The following VTI1A variants were observed in gnomAD, a reference collection of about 807,000 sequenced individuals.
The protein encoded by VTI1A is vesicle transport through interaction with t-SNAREs 1A, also known as vesicle transport through interaction with t-SNAREs homolog 1A.
VTI1A carries 22 observed loss-of-function variants against 34.9 expected under a neutral mutation model. The observed-to-expected ratio is 0.63, with a 90% CI of 0.45 to 0.90. VTI1A has a LOEUF of 0.90. Ranked by LOEUF, VTI1A falls within the 40% of genes least tolerant of loss-of-function variation. VTI1A has a pLI of 0.00. For synonymous variants in VTI1A, 87 were observed against 97.3 expected (o/e 0.89, Z 0.62); for missense variants, 268 against 275.6 (o/e 0.97, Z 0.20).
the VTI1A span, among the ~76,000 whole-genome samples, chr10:112,844,106 G>A: frequency 2.7e-3 from 418 of 152,186 alleles, 6 homozygotes; most frequent in African/African-American, 9.4e-3. Flanking sequence ...GAAAAAAAAG[G>A]GAAAAGGGTC....
intron 7 of VTI1A, among the ~76,000 whole-genome samples, chr10:112,750,011 G>A (rs1377790460): frequency 6.6e-6 from 1 of 152,196 alleles, no homozygotes; most frequent in Non-Finnish European, 1.5e-5. Flanking sequence ...TATATATGTA[G>A]TAAAAGTATA....
At chr10:112,638,940 G>C (rs1016734983) in intron 5 of VTI1A, among the ~76,000 whole-genome samples, 7 of 151,534 alleles carry the variant, frequency 4.6e-5, no homozygotes, top group Non-Finnish European at 8.8e-5. Context: ...TGAAGCAAAA[G>C]TATCAGCATT....
At chr10:112,819,973 G>C (rs1413210159), downstream of VTI1A, among the ~76,000 whole-genome samples, 6 of 152,202 alleles carry the variant, frequency 3.9e-5, no homozygotes, top group Non-Finnish European at 5.9e-5. Flanking sequence ...GTGAGGGGAA[G>C]AGATGGTGCA....
chr10:112,674,707 A>G (rs1283318795), intron 7 of VTI1A, among the ~76,000 whole-genome samples: 1 of 152,198 alleles, frequency 6.6e-6, no homozygotes, highest in Admixed American at 6.5e-5. Context: ...AGGAGGCATC[A>G]CTATCCCCCT....
At chr10:112,737,417 T>C in intron 7 of VTI1A, 7 of 1,034,878 alleles carry the variant, frequency 6.8e-6, no homozygotes, top group Non-Finnish European at 8.1e-6. Flanking sequence ...AATTAAAAAA[T>C]GACAAAAATG....
At position 112,744,824 on chromosome 10, in the gene VTI1A, C is replaced by T. The variant is rs116085582; in HGVS notation, c.561-70466C>T. 2.6e-3 allele frequency among the ~76,000 whole-genome samples: 403 copies of T among 152,298 alleles called. 1 individual carries two copies. Among genetic ancestry groups the T allele is most frequent in the African/African-American group, 9.0e-3 (374 of 41,554 alleles). ...CGGAGCTCTTACTAGAAGCCAGCTA[C>T]ATTGCAGATCCAGCACGTTCAGCAT... On this transcript the variant is annotated intron_variant, in intron 7 of 7. Coordinates refer to ENST00000393077, the MANE Select transcript of VTI1A (RefSeq NM_145206.4).
At chr10:112,649,872 A>G (rs1846943555) in intron 5 of VTI1A, among the ~76,000 whole-genome samples, 1 of 152,196 alleles carries the variant, frequency 6.6e-6, no homozygotes, top group South Asian at 2.1e-4. Context: ...TAAGAGATAA[A>G]AAATGATCCA....
chr10:112,483,409 A>G (rs1422142431), intron 3 of VTI1A, among the ~76,000 whole-genome samples: 3 of 152,260 alleles, frequency 2.0e-5, no homozygotes, highest in Middle Eastern at 3.4e-3. Flanking sequence ...TGTCTGATGC[A>G]TTTCTACCTT....
intron 7 of VTI1A, among the ~76,000 whole-genome samples, chr10:112,790,269 G>T (rs542655704): frequency 6.6e-6 from 1 of 152,196 alleles, no homozygotes; most frequent in African/African-American, 2.4e-5. Context: ...AGTGATCTGT[G>T]TGTGGGTTGC....
chr10:112,544,413 A>G (rs1275629148), intron 5 of VTI1A, among the ~76,000 whole-genome samples: 1 of 152,128 alleles, frequency 6.6e-6, no homozygotes, highest in African/African-American at 2.4e-5. Flanking sequence ...TATTTTTAGT[A>G]GAGACAGGGT....
chr10:112,480,742 C>T lies in VTI1A; in HGVS notation c.264+16085C>T, dbSNP rs544070847. 5.3e-5 allele frequency among the ~76,000 whole-genome samples: 8 copies of T among 152,228 alleles called. No individual in the cohort carries two copies. The East Asian group carries it at 1.3e-3, about 26-fold the overall frequency. The stretch of plus-strand genomic sequence containing the variant: ...GGGAGGACTGGAGTGTTTGAAATTG[C>T]TCCAGGTGTAAAATATAGGGCTAGA... On this transcript the variant is annotated intron_variant, in intron 3 of 7. Coordinates refer to ENST00000393077, the MANE Select transcript of VTI1A (RefSeq NM_145206.4).
chr10:112,833,721 C>A, the VTI1A span, among the ~76,000 whole-genome samples: 3 of 152,160 alleles, frequency 2.0e-5, no homozygotes, highest in Non-Finnish European at 4.4e-5. Flanking sequence ...ATGTCTGGGG[C>A]TGACACTCTA....
chr10:112,653,266 A>T (rs1196333905), intron 5 of VTI1A, among the ~76,000 whole-genome samples: 2 of 152,008 alleles, frequency 1.3e-5, no homozygotes, highest in Non-Finnish European at 2.9e-5. Context: ...CTGCCTCCAG[A>T]CCCTATTCTC....
At chr10:112,450,015 A>C in intron 1 of VTI1A, 1 of 151,546 alleles carries the variant, frequency 6.6e-6, no homozygotes, top group East Asian at 2.0e-4. Flanking sequence ...CTCCCACCTC[A>C]GCCTCCCGAG....
At chr10:112,849,079 G>A in the VTI1A span, among the ~76,000 whole-genome samples, 1 of 152,196 alleles carries the variant, frequency 6.6e-6, no homozygotes, top group Non-Finnish European at 1.5e-5. Flanking sequence ...ACCCACTGAG[G>A]TCTTGGCAGG....
At chr10:112,831,072 C>T in the VTI1A span, 1 of 151,500 alleles carries the variant, frequency 6.6e-6, no homozygotes, top group African/African-American at 2.4e-5. Flanking sequence ...CCCAGCTAAT[C>T]TGCATGCTCT....
chr10:112,611,943 A>G (rs544119940), intron 5 of VTI1A, among the ~76,000 whole-genome samples: 17 of 151,998 alleles, frequency 1.1e-4, no homozygotes, highest in African/African-American at 2.9e-4. Flanking sequence ...GGGTTTCACC[A>G]TGTTAGCCAG....
At chr10:112,700,117 C>CAAAAAAAAAAAA (rs1201699870) in intron 7 of VTI1A, among the ~76,000 whole-genome samples, 2 of 40,444 alleles carry the variant, frequency 4.9e-5, no homozygotes, top group Admixed American at 3.2e-4. Flanking sequence ...GACTCCATCT[C>CAAAAAAAAAAAA]AAAAAAAAAA....
At chr10:112,643,625 A>G (rs1390867752) in intron 5 of VTI1A, among the ~76,000 whole-genome samples, 1 of 152,190 alleles carries the variant, frequency 6.6e-6, no homozygotes, top group Non-Finnish European at 1.5e-5. Context: ...GAAAAATAGA[A>G]TTTTGTGTGC....
Sources: allele counts gnomAD v4.1 joint callset (sites outside exome capture counted in the v4.1 genomes callset), GRCh38; gene constraint gnomAD v4.1.1; transcripts MANE v1.5; gene names NCBI Gene and HGNC (gene_info 2026-07-23, HGNC 2026-07-21).